Variants in PDGFD observed in about 807,000 individuals in gnomAD.
PDGFD encodes platelet-derived growth factor D.
Under a neutral mutation model 44.7 loss-of-function variants are expected in PDGFD, and 30 were observed. The observed-to-expected ratio is 0.67, with a 90% CI of 0.50 to 0.91. The LOEUF (loss-of-function observed/expected upper bound fraction) is 0.91. PDGFD is among the 40% of genes least tolerant of loss of function. PDGFD has a pLI of 0.00. For synonymous variants in PDGFD, 173 were observed against 168.4 expected (o/e 1.03, Z -0.21); for missense variants, 445 against 457.8 (o/e 0.97, Z 0.25).
At chr11:104,110,552 A>G (rs1245262104) in intron 1 of PDGFD, among the ~76,000 whole-genome samples, 1 of 151,876 alleles carries the variant, frequency 6.6e-6, no homozygotes, top group Non-Finnish European at 1.5e-5. Context: ...GTCATACTAC[A>G]TACTACATAC....
intron 1 of PDGFD, among the ~76,000 whole-genome samples, chr11:104,105,098 T>C (rs892801090): frequency 6.6e-6 from 1 of 152,162 alleles, no homozygotes; most frequent in African/African-American, 2.4e-5. Context: ...ACCCCATTAA[T>C]GGGGGATCCG....
intron 3 of PDGFD, among the ~76,000 whole-genome samples, chr11:103,956,428 A>C (rs941928906): frequency 2.4e-5 from 3 of 125,698 alleles, no homozygotes; most frequent in African/African-American, 1.1e-4. Context: ...TCCATGGTGT[A>C]TATGTGCCAC....
At chr11:104,060,270 T>G (rs1860691679) in intron 1 of PDGFD, among the ~76,000 whole-genome samples, 1 of 152,210 alleles carries the variant, frequency 6.6e-6, no homozygotes, top group Non-Finnish European at 1.5e-5. Flanking sequence ...AGGTTCCAGG[T>G]GTCCACATAT....
At chr11:103,978,346 C>G (rs1859214406) in intron 3 of PDGFD, among the ~76,000 whole-genome samples, 1 of 152,002 alleles carries the variant, frequency 6.6e-6, no homozygotes, top group African/African-American at 2.4e-5. Context: ...AAATGGCCAC[C>G]TGGGTACTCT....
chr11:104,155,221 G>C (rs924720068), intron 1 of PDGFD, among the ~76,000 whole-genome samples: 3 of 152,054 alleles, frequency 2.0e-5, no homozygotes, highest in African/African-American at 7.2e-5. Context: ...CATACTTAAG[G>C]CAATACCATT....
intron 1 of PDGFD, among the ~76,000 whole-genome samples, chr11:104,124,462 G>A (rs12224954): frequency 6.6e-6 from 1 of 151,858 alleles, no homozygotes; most frequent in African/African-American, 2.4e-5. Flanking sequence ...AGTACAAAAC[G>A]AACAGACATT....
rs2134295684 is a variant in PDGFD, at chr11:103,908,888, T to C, written c.*806A>G. ...TTTTGCAAAGAAAAACAATTCAAAA[T>C]TCTGTTACAGCTTATACATTGTCTT... On this transcript the variant is annotated 3_prime_UTR_variant, in exon 7 of 7. Coordinates refer to ENST00000393158, the MANE Select transcript of PDGFD (RefSeq NM_025208.5). 6.6e-6 allele frequency: 1 copy of C among 152,322 alleles called. No individual in the cohort carries two copies. The allele number at this position is 152,322 out of a possible 1,614,324, so 9.4% of individuals were successfully genotyped here.
chr11:104,041,653 A>G (rs1391991014), intron 1 of PDGFD, among the ~76,000 whole-genome samples: 6 of 152,146 alleles, frequency 3.9e-5, no homozygotes, highest in Non-Finnish European at 5.9e-5. Flanking sequence ...CAAGAAAATC[A>G]CTAGTGTGAT....
At chr11:103,977,268 G>A (rs567704824) in intron 3 of PDGFD, among the ~76,000 whole-genome samples, 8 of 152,078 alleles carry the variant, frequency 5.3e-5, no homozygotes, top group Non-Finnish European at 1.2e-4. Flanking sequence ...GAGGTACAAA[G>A]AGGAGCTGGT....
intron 1 of PDGFD, among the ~76,000 whole-genome samples, chr11:104,154,704 A>G (rs1257138970): frequency 1.3e-5 from 2 of 152,202 alleles, no homozygotes; most frequent in Non-Finnish European, 2.9e-5. Flanking sequence ...AACGCTATGG[A>G]ATTAGGTTAA....
chr11:104,050,819 C>A (rs1860523356), intron 1 of PDGFD, among the ~76,000 whole-genome samples: 1 of 152,180 alleles, frequency 6.6e-6, no homozygotes, highest in East Asian at 1.9e-4. Flanking sequence ...CAGAGGATCA[C>A]TCCAAGAGTC....
At chr11:103,951,908 C>T (rs982664598) in intron 3 of PDGFD, among the ~76,000 whole-genome samples, 3 of 152,158 alleles carry the variant, frequency 2.0e-5, no homozygotes, top group South Asian at 2.1e-4. Flanking sequence ...AATCACACTC[C>T]GGAATGGCAA....
intron 1 of PDGFD, among the ~76,000 whole-genome samples, chr11:104,004,117 A>G (rs1405555450): frequency 6.6e-6 from 1 of 152,182 alleles, no homozygotes; most frequent in African/African-American, 2.4e-5. Flanking sequence ...AAACATCATT[A>G]AAGTCTACAC....
chr11:103,915,973 T>C (rs1170327038), intron 6 of PDGFD, among the ~76,000 whole-genome samples: 2 of 152,098 alleles, frequency 1.3e-5, no homozygotes, highest in Non-Finnish European at 1.5e-5. Context: ...ATATAAGACA[T>C]AAAACCATAA....
intron 1 of PDGFD, among the ~76,000 whole-genome samples, chr11:104,067,356 A>T (rs2134418354): frequency 6.6e-6 from 1 of 152,298 alleles, no homozygotes; most frequent in African/African-American, 2.4e-5. Flanking sequence ...AATTATTCTG[A>T]CAGCATTAAA....
At chr11:104,053,680 T>C (rs904722622) in intron 1 of PDGFD, among the ~76,000 whole-genome samples, 12 of 152,194 alleles carry the variant, frequency 7.9e-5, no homozygotes, top group African/African-American at 9.7e-5. Context: ...CATAGTTTGT[T>C]ACAGAGGGTT....
At chr11:103,960,577 A>G (rs745830603) in intron 3 of PDGFD, among the ~76,000 whole-genome samples, 3 of 152,182 alleles carry the variant, frequency 2.0e-5, no homozygotes, top group Non-Finnish European at 4.4e-5. Context: ...ATTGACCTTA[A>G]GAAATGTGTT....
intron 1 of PDGFD, among the ~76,000 whole-genome samples, chr11:104,044,425 T>C (rs1168524777): frequency 1.3e-5 from 2 of 152,178 alleles, no homozygotes; most frequent in Non-Finnish European, 2.9e-5. Context: ...TCACATGTTA[T>C]TAATAAGCCA....
intron 3 of PDGFD, among the ~76,000 whole-genome samples, chr11:103,979,613 T>C (rs756227978): frequency 3.3e-5 from 5 of 152,116 alleles, no homozygotes; most frequent in Non-Finnish European, 7.4e-5. Flanking sequence ...GCTTTCAGCC[T>C]GGTCTACAAG....
Sources: allele counts gnomAD v4.1 joint callset (sites outside exome capture counted in the v4.1 genomes callset), GRCh38; gene constraint gnomAD v4.1.1; transcripts MANE v1.5; gene names NCBI Gene and HGNC (gene_info 2026-07-23, HGNC 2026-07-21).